TTC13: variants seen among roughly 807,000 people sequenced by gnomAD.
TTC13 encodes the protein tetratricopeptide repeat domain 13, also known as tetratricopeptide repeat protein 13.
A neutral mutation model predicts 120.0 loss-of-function variants in TTC13; 62 were observed. The observed-to-expected ratio is 0.52, with a 90% confidence interval of 0.42 to 0.64. TTC13 has a LOEUF of 0.64. Ranked by LOEUF, TTC13 falls within the 30% of genes least tolerant of loss-of-function variation. The pLI, the probability that TTC13 is intolerant of heterozygous loss-of-function variation, is 0.00. For synonymous variants in TTC13, 384 were observed against 393.5 expected, an observed-to-expected ratio of 0.98 and a Z score of 0.28; for missense variants, 824 against 1,050.2, an observed-to-expected ratio of 0.78 and a Z score of 2.98.
At chr1:230,964,786 A>G (rs1053829064) in intron 1 of TTC13, among the ~76,000 whole-genome samples, 1 of 152,214 alleles carries the variant, frequency 6.6e-6, no homozygotes, top group Admixed American at 6.5e-5. Context: ...ACAGACACAC[A>G]GACTAATGGA....
chr1:230,935,063 T>C (rs923853215), intron 8 of TTC13, among the ~76,000 whole-genome samples: 4 of 152,218 alleles, frequency 2.6e-5, no homozygotes, highest in Admixed American at 1.3e-4. Context: ...AATTAAGGAC[T>C]CCTGCTGAAT....
At chr1:230,922,269 ATTCTATC>A (rs773665807) in intron 15 of TTC13, among the ~76,000 whole-genome samples, 8 of 151,984 alleles carry the variant, frequency 5.3e-5, no homozygotes, top group Non-Finnish European at 1.2e-4. Context: ...AGTGCTCCTG[ATTCTATC>A]TTCTAAGAGT....
chr1:230,918,972 T>TG (rs1210581500), intron 17 of TTC13, among the ~76,000 whole-genome samples: 21 of 152,246 alleles, frequency 1.4e-4, no homozygotes, highest in Non-Finnish European at 2.1e-4. Flanking sequence ...TGGCATGTTT[T>TG]GGGGCAGTTT....
At chr1:230,928,434 T>G (rs1673238324) in intron 12 of TTC13, among the ~76,000 whole-genome samples, 1 of 152,230 alleles carries the variant, frequency 6.6e-6, no homozygotes, top group Non-Finnish European at 1.5e-5. Flanking sequence ...TGTATATTGA[T>G]TATAAACAAT....
At chr1:230,930,420 T>G (rs1233166025) in intron 11 of TTC13, among the ~76,000 whole-genome samples, 3 of 152,160 alleles carry the variant, frequency 2.0e-5, no homozygotes, top group African/African-American at 7.2e-5. Context: ...ACAGTCATGG[T>G]ATAAAGGGCT....
Position 230,940,143 on chromosome 1 carries a change from C to T in TTC13, c.789+297G>A, listed in dbSNP as rs1674407449. On this transcript the variant is annotated intron_variant, in intron 7 of 22. Transcript: ENST00000366661. This position sits in a 1 kb window ranked among gnomAD's most constrained non-coding sequence, Gnocchi z 4.1. ...ATGCACACCTGCTTCCCTATGAGGA[C>T]ATTTGCGAGAAAGATTGACATACAA... Among the ~76,000 whole-genome samples the T allele has an allele frequency of 6.6e-6, 1 of 152,192 alleles. No homozygotes were observed. The highest frequency in any genetic ancestry group is 2.1e-4 in the South Asian group (1 of 4,834).
chr1:230,911,237 G>A, intron 20 of TTC13: 1 of 303,490 alleles, frequency 3.3e-6, no homozygotes, highest in Non-Finnish European at 6.0e-6. Context: ...GTGTTGAATG[G>A]ATGAATCCCT....
At chr1:230,922,762 C>T (rs1366997390) in intron 15 of TTC13, among the ~76,000 whole-genome samples, 1 of 152,200 alleles carries the variant, frequency 6.6e-6, no homozygotes, top group Admixed American at 6.5e-5. Context: ...GCATCCTGTG[C>T]ATGTGATCAG....
intron 3 of TTC13, among the ~76,000 whole-genome samples, chr1:230,957,773 A>G (rs1326465404): frequency 1.3e-5 from 2 of 151,978 alleles, no homozygotes; most frequent in East Asian, 3.9e-4. Flanking sequence ...AATGAATTCA[A>G]TTTTTCTACA....
At chr1:230,962,864 A>C (rs1366557101) in intron 1 of TTC13, among the ~76,000 whole-genome samples, 1 of 152,226 alleles carries the variant, frequency 6.6e-6, no homozygotes, top group African/African-American at 2.4e-5. Context: ...GACTCCATCT[A>C]TATGAAATGT....
intron 4 of TTC13, among the ~76,000 whole-genome samples, chr1:230,947,277 G>C (rs1335224451): frequency 6.6e-6 from 1 of 152,050 alleles, no homozygotes; most frequent in African/African-American, 2.4e-5. Flanking sequence ...GATGGAGAAA[G>C]GATACAGGTG....
intron 10 of TTC13, 111 bp from the exon 11 acceptor site, chr1:230,931,583 T>G (rs1673560730): frequency 4.8e-6 from 7 of 1,457,202 alleles, no homozygotes; most frequent in Non-Finnish European, 3.7e-6. Flanking sequence ...ACCTGTAAAC[T>G]AGTCTACAGG....
rs1321153086 is a variant in TTC13 at position 230,916,249 on chromosome 1, G to A, written c.2037C>T (p.Ser679=). ...DGFTVNTKVP[S]LKDQGKEYDG... Reference sequence around the variant, plus strand: ...CATATTCCTTCCCTTGGTCTTTAAGGCTGGGAACTTTTGTGTTCACGGTGA... The same window carrying A: ...CATATTCCTTCCCTTGGTCTTTAAGACTGGGAACTTTTGTGTTCACGGTGA... Residue 679 remains serine (S), a synonymous_variant, in exon 18 of 23, where the codon AGC becomes AGT. Coordinates refer to ENST00000366661, the MANE Select transcript of TTC13 (RefSeq NM_024525.5). The A allele has an allele frequency of 1.2e-6, 2 of 1,614,058 alleles. No homozygotes were observed. The highest frequency in any genetic ancestry group is 1.1e-5 in the South Asian group (1 of 91,066).
intron 14 of TTC13, among the ~76,000 whole-genome samples, chr1:230,924,477 C>T (rs1482378255): frequency 3.9e-5 from 6 of 152,088 alleles, no homozygotes; most frequent in Non-Finnish European, 2.9e-5. Context: ...CGACTACAGG[C>T]GCGCACCACC....
intron 16 of TTC13, among the ~76,000 whole-genome samples, chr1:230,921,139 C>T (rs1410825740): frequency 2.0e-5 from 3 of 151,962 alleles, no homozygotes; most frequent in African/African-American, 7.3e-5. Flanking sequence ...AGCTGAAATC[C>T]CTAAAAGATA....
rs768736280 is a variant in TTC13, at chr1:230,931,890, T to A, written c.984-13A>T. Reference sequence around the variant, plus strand: ...ATTGCCCAGTTCTCTAGGTATTTAATAATAGTTATGAATACAGTATAGATA... The same window carrying A: ...ATTGCCCAGTTCTCTAGGTATTTAAAAATAGTTATGAATACAGTATAGATA... On this transcript the variant is annotated splice_polypyrimidine_tract_variant and intron_variant, in intron 9 of 22. Transcript: ENST00000366661. The A allele has an allele frequency of 1.6e-4, 266 of 1,612,788 alleles. No individual in the cohort carries two copies. The highest frequency in any genetic ancestry group is 2.2e-4 in the Non-Finnish European group (257 of 1,179,066).
At chr1:230,908,842 T>C (rs1371982548) in intron 21 of TTC13, 51 bp from the exon 22 acceptor site, 1 of 1,606,438 alleles carries the variant, frequency 6.2e-7, no homozygotes, top group Non-Finnish European at 8.5e-7. Flanking sequence ...GGACACAGGC[T>C]CGGCTGGAGA....
chr1:230,907,019 A>C lies in TTC13; in HGVS notation c.2469T>G (p.Ser823Arg), dbSNP rs1341363464. The change falls in exon 23 of 23, where the codon AGT becomes AGG. Residue 823 changes from serine to arginine, a missense_variant and splice_region_variant. By Grantham distance (110) the Ser-to-Arg change is moderately radical (BLOSUM62 -1). Coordinates refer to ENST00000366661, the MANE Select transcript of TTC13 (RefSeq NM_024525.5). Reference sequence around the variant, plus strand: ...GAAGAGTCTTATAAGAAGGTGAAATACTGAAAAAGAAAAACACAAAGTAGC... The same window carrying C: ...GAAGAGTCTTATAAGAAGGTGAAATCCTGAAAAAGAAAAACACAAAGTAGC... The part of the protein sequence containing the change: ...KVAKSWMNLK[S>R]ISPSYKTLPS... 14 of 1,470,968 alleles carry C rather than the reference A, an allele frequency of 9.5e-6. No individual in the cohort carries two copies. The highest frequency in any genetic ancestry group is 1.3e-5 in the Non-Finnish European group (14 of 1,102,236). The allele number at this position is 1,470,968 out of a possible 1,614,324, so 91.1% of individuals were successfully genotyped here. A position where few individuals can be genotyped will look rare whatever the true frequency, so the allele number is the denominator to read the frequency against.
intron 15 of TTC13, among the ~76,000 whole-genome samples, chr1:230,922,629 G>A (rs1672682238): frequency 6.6e-6 from 1 of 152,102 alleles, no homozygotes; most frequent in South Asian, 2.1e-4. Flanking sequence ...ACAGTTTCCT[G>A]ACCATACCTA....
Sources: gnomAD v4.1 joint callset for allele counts (sites outside exome capture counted in the v4.1 genomes callset) on GRCh38, gnomAD v4.1.1 for gene constraint, Gnocchi (gnomAD v3.1) non-coding constraint, MANE v1.5 for transcripts, NCBI Gene and HGNC (gene_info 2026-07-23, HGNC 2026-07-21) for gene names.